NRG1: variants seen among roughly 807,000 people sequenced by gnomAD.
The protein encoded by NRG1 is neuregulin 1.
Under a neutral mutation model 63.8 loss-of-function variants are expected in NRG1, and 18 were observed. The observed-to-expected ratio is 0.28, with a 90% CI of 0.19 to 0.42. The LOEUF (loss-of-function observed/expected upper bound fraction) is 0.42. Ranked by LOEUF, NRG1 falls within the 10% of genes least tolerant of loss-of-function variation. The pLI, the probability that NRG1 is intolerant of heterozygous loss-of-function variation, is 1.00. For synonymous variants in NRG1, 302 were observed against 301.3 expected, an observed-to-expected ratio of 1.00 and a Z score of -0.02; for missense variants, 762 against 814.7, an observed-to-expected ratio of 0.94 and a Z score of 0.79.
chr8:32,295,811 G>A (rs1854775054), intron 1 of NRG1, among the ~76,000 whole-genome samples: 2 of 151,804 alleles, frequency 1.3e-5, no homozygotes, highest in Admixed American at 6.6e-5. Flanking sequence ...TAGCCAGGCA[G>A]GGTGGCAGGA....
Position 32,410,047 on chromosome 8 carries a change from T to C in NRG1, c.38-185781T>C, listed in dbSNP as rs73675181. Among the ~76,000 whole-genome samples the C allele has an allele frequency of 6.0e-3, 915 of 152,156 alleles. 11 individuals are homozygous for C. The highest frequency in any genetic ancestry group is 0.021 in the African/African-American group (878 of 41,530). On this transcript the variant is annotated intron_variant, in intron 1 of 10. Transcript: ENST00000519301. ...ATTCCTTGAAAGGATTCTTCAGTTA[T>C]CCCACCAACAATCAGAGGCAGCAGG...
At position 32,186,237 on chromosome 8, in the gene NRG1, G is replaced by C. The variant is rs1841949456; in HGVS notation, c.38-409591G>C. ...CCCAACACTTTGGGAGGCTGAGGTG[G>C]GTGGTAATGAGGTCAGGGGATCGAG... On this transcript the variant is annotated intron_variant, in intron 1 of 10. Transcript: ENST00000519301. Among the ~76,000 whole-genome samples, 3 of 152,144 alleles carry C rather than the reference G, an allele frequency of 2.0e-5. No homozygotes were observed. In the South Asian group the frequency reaches 6.2e-4, roughly 32 times the overall value.
chr8:32,296,022 C>T (rs114566683), intron 1 of NRG1, among the ~76,000 whole-genome samples: 9 of 151,418 alleles, frequency 5.9e-5, no homozygotes, highest in Admixed American at 1.3e-4. Context: ...TCCACTGCCA[C>T]GAGTACATGT....
At chr8:31,978,104 T>C (rs13282758) in intron 1 of NRG1, among the ~76,000 whole-genome samples, 108,586 of 151,920 alleles carry the variant, frequency 0.71, 40,215 homozygotes, top group Non-Finnish European at 0.82. Flanking sequence ...AATTTGCCTC[T>C]GATAATTATG....
chr8:32,525,391 GGTGTGTGTGT>G (rs200594879), intron 1 of NRG1, among the ~76,000 whole-genome samples: 3 of 145,794 alleles, frequency 2.1e-5, no homozygotes, highest in African/African-American at 5.1e-5. Flanking sequence ...ATGAGGTAGG[GGTGTGTGTGT>G]GTGTGTGTGT....
chr8:32,087,442 TA>T (rs1380107328), intron 1 of NRG1, among the ~76,000 whole-genome samples: 1 of 151,558 alleles, frequency 6.6e-6, no homozygotes, highest in African/African-American at 2.4e-5. Context: ...AAACCTCTTT[TA>T]TTTCTTAAAT....
intron 1 of NRG1, among the ~76,000 whole-genome samples, chr8:31,817,874 A>G (rs544723195): frequency 2.2e-4 from 33 of 152,340 alleles, no homozygotes; most frequent in African/African-American, 7.9e-4. Context: ...TATACCTCTT[A>G]TTTTTGAATG....
intron 1 of NRG1, among the ~76,000 whole-genome samples, chr8:31,710,170 G>A (rs1278805157): frequency 1.3e-5 from 2 of 151,676 alleles, no homozygotes; most frequent in Non-Finnish European, 2.9e-5. Flanking sequence ...GAATTGTTTT[G>A]GAGGGGGTTT....
chr8:32,434,759 C>T (rs1818576687), intron 1 of NRG1, among the ~76,000 whole-genome samples: 1 of 151,712 alleles, frequency 6.6e-6, no homozygotes, highest in Non-Finnish European at 1.5e-5. Context: ...TCTGGGGATT[C>T]TACATTTCCA....
chr8:32,478,176 A>G (rs1277883251), intron 1 of NRG1, among the ~76,000 whole-genome samples: 1 of 152,246 alleles, frequency 6.6e-6, no homozygotes, highest in Non-Finnish European at 1.5e-5. Flanking sequence ...ATAACTCAGC[A>G]GTAGGCTTTG....
intron 1 of NRG1, among the ~76,000 whole-genome samples, chr8:32,067,319 G>A (rs777163297): frequency 4.8e-4 from 73 of 152,282 alleles, no homozygotes; most frequent in Admixed American, 1.1e-3. Context: ...GATATTGGCC[G>A]TGGATTTGTC....
rs117141500 is a variant in NRG1 at position 31,966,347 on chromosome 8, C to A, written c.37+326916C>A. On this transcript the variant is annotated intron_variant, in intron 1 of 10. Coordinates refer to the NRG1 transcript ENST00000519301. The stretch of plus-strand genomic sequence containing the variant: ...TGCTTTTGCATTCTGGAGTAATAAT[C>A]TGGAAAAGCAATAAGAGTAGGGACA... Among the ~76,000 whole-genome samples the A allele has an allele frequency of 3.4e-3, 511 of 152,266 alleles. 2 individuals are homozygous for A. Among genetic ancestry groups the A allele is most frequent in the South Asian group, 0.022 (105 of 4,826 alleles).
At chr8:32,372,268 G>T (rs1383628970) in intron 1 of NRG1, among the ~76,000 whole-genome samples, 6 of 151,888 alleles carry the variant, frequency 4.0e-5, no homozygotes. Flanking sequence ...GGGATTACGG[G>T]TGTGACCCAG....
chr8:31,796,480 T>G (rs1267328791), intron 1 of NRG1, among the ~76,000 whole-genome samples: 1 of 126,956 alleles, frequency 7.9e-6, no homozygotes, highest in East Asian at 2.5e-4. Context: ...TCACCGAGGC[T>G]GGAGTGTGGT....
At chr8:32,462,764 C>T (rs1055671618) in intron 1 of NRG1, among the ~76,000 whole-genome samples, 18 of 151,776 alleles carry the variant, frequency 1.2e-4, no homozygotes, top group South Asian at 4.2e-4. Flanking sequence ...CCACCATGCC[C>T]GGCTAACTTT....
chr8:32,053,134 T>C (rs1343445296), intron 1 of NRG1, among the ~76,000 whole-genome samples: 1 of 152,168 alleles, frequency 6.6e-6, no homozygotes, highest in Non-Finnish European at 1.5e-5. Flanking sequence ...CAGATCTATT[T>C]TGGAGACCCC....
chr8:32,633,896 C>G (rs1285448113), intron 5 of NRG1, among the ~76,000 whole-genome samples: 1 of 151,824 alleles, frequency 6.6e-6, no homozygotes, highest in South Asian at 2.1e-4. Flanking sequence ...AGTCCCAGTA[C>G]TTTGGGAGGC....
chr8:32,391,343 A>G (rs1811744497), intron 1 of NRG1, among the ~76,000 whole-genome samples: 2 of 152,010 alleles, frequency 1.3e-5, no homozygotes, highest in Admixed American at 1.3e-4. Flanking sequence ...CATGTTGCCC[A>G]GTCTGGAATA....
intron 1 of NRG1, among the ~76,000 whole-genome samples, chr8:32,483,967 G>A (rs910922214): frequency 6.6e-6 from 1 of 152,096 alleles, no homozygotes; most frequent in African/African-American, 2.4e-5. Flanking sequence ...GCCAGGCGTG[G>A]TGTCAGGCGC....
Sources: gnomAD v4.1 joint callset for allele counts (sites outside exome capture counted in the v4.1 genomes callset) on GRCh38, gnomAD v4.1.1 for gene constraint, MANE v1.5 for transcripts, NCBI Gene and HGNC (gene_info 2026-07-23, HGNC 2026-07-21) for gene names.